Variants in ANKRD11 observed in about 807,000 individuals in gnomAD.
ANKRD11 encodes ankyrin repeat domain-containing protein 11.
A neutral mutation model predicts 195.7 loss-of-function variants in ANKRD11; 17 were observed. That is an observed-to-expected ratio of 0.09 (90% CI 0.06 to 0.13). The LOEUF (loss-of-function observed/expected upper bound fraction) is 0.13. Ranked by LOEUF, ANKRD11 falls within the 10% of genes least tolerant of loss-of-function variation. ANKRD11 has a pLI of 1.00. For synonymous variants in ANKRD11, 1,953 were observed against 1,528.1 expected (o/e 1.28, Z -6.49); for missense variants, 3,735 against 3,566.1 (o/e 1.05, Z -1.21).
At position 89,270,868 on chromosome 16, in the gene ANKRD11, G is replaced by C; in HGVS notation, c.7755C>G (p.Arg2585=). 1 of 1,614,084 alleles carries C rather than the reference G, an allele frequency of 6.2e-7. No individual in the cohort carries two copies. Among genetic ancestry groups the C allele is most frequent in the South Asian group, 1.1e-5 (1 of 91,086 alleles). ...NKSVRDRFNA[R]QFISWLQDVD... Reference sequence around the variant, plus strand: ...CGTCCTGGAGCCAGGAGATGAACTGGCGGGCGTTGAAACGGTCGCGCACTG... The same window carrying C: ...CGTCCTGGAGCCAGGAGATGAACTGCCGGGCGTTGAAACGGTCGCGCACTG... The change falls in exon 12 of 13, where the codon CGC becomes CGG. Residue 2585 remains arginine, a synonymous_variant. Coordinates refer to ENST00000301030, the MANE Select transcript of ANKRD11 (RefSeq NM_013275.6).
chr16:89,333,977 C>A (rs2038199687), intron 2 of ANKRD11, among the ~76,000 whole-genome samples: 1 of 151,940 alleles, frequency 6.6e-6, no homozygotes, highest in South Asian at 2.1e-4. Context: ...TAAGAGCCCT[C>A]AATCTGTGGT....
At chr16:89,355,544 C>G (rs2039432497) in intron 2 of ANKRD11, among the ~76,000 whole-genome samples, 1 of 152,200 alleles carries the variant, frequency 6.6e-6, no homozygotes, top group Non-Finnish European at 1.5e-5. Flanking sequence ...GCTCTGAACG[C>G]TCTCTCTTCC....
intron 1 of ANKRD11, among the ~76,000 whole-genome samples, chr16:89,469,440 G>A (rs1259231894): frequency 6.6e-6 from 1 of 151,854 alleles, no homozygotes; most frequent in Non-Finnish European, 1.5e-5. Flanking sequence ...CCAGGATGGT[G>A]TCAAACTCCT....
At chr16:89,406,488 A>G (rs1254928738) in intron 2 of ANKRD11, among the ~76,000 whole-genome samples, 1 of 152,216 alleles carries the variant, frequency 6.6e-6, no homozygotes, top group African/African-American at 2.4e-5. Context: ...GCACCGTGAC[A>G]AGACAACATG....
At chr16:89,381,654 C>T (rs181447453) in intron 2 of ANKRD11, among the ~76,000 whole-genome samples, 2 of 152,288 alleles carry the variant, frequency 1.3e-5, no homozygotes, top group Admixed American at 6.5e-5. Context: ...GTCACAAATG[C>T]GCATCACAGA....
chr16:89,355,057 C>T (rs1360992650), intron 2 of ANKRD11, among the ~76,000 whole-genome samples: 1 of 152,200 alleles, frequency 6.6e-6, no homozygotes, highest in African/African-American at 2.4e-5. Context: ...AACATGTTTG[C>T]TTTCATCTAA....
intron 2 of ANKRD11, among the ~76,000 whole-genome samples, chr16:89,377,234 C>T (rs1261849779): frequency 1.3e-5 from 2 of 152,090 alleles, no homozygotes; most frequent in African/African-American, 4.8e-5. Context: ...AGGCTCATTA[C>T]ACACAGCATG....
In ANKRD11 at chr16:89,284,913, G is replaced by A. The variant is rs141036955; in HGVS notation, c.1629C>T (p.Thr543=). The A allele has an allele frequency of 1.2e-6, 2 of 1,614,062 alleles. No homozygotes were observed. Among genetic ancestry groups the A allele is most frequent in the Non-Finnish European group, 1.7e-6 (2 of 1,180,046 alleles). ...KQNPSHTDQH[T]KHWRTDNWKT... is the part of the protein sequence containing the mutation. ...TCCAATTGTCTGTCCGCCAGTGCTT[G>A]GTGTGCTGGTCTGTGTGGCTGGGGT... The change falls in exon 9 of 13, where the codon ACC becomes ACT. Residue 543 remains threonine, a synonymous_variant. Transcript: ENST00000301030.
chr16:89,295,002 G>A (rs140834240), intron 4 of ANKRD11, among the ~76,000 whole-genome samples: 51 of 152,350 alleles, frequency 3.3e-4, no homozygotes, highest in African/African-American at 8.7e-4. Flanking sequence ...TGTTTCTACC[G>A]TCCAAATGGA....
At chr16:89,372,263 C>G (rs928728056) in intron 2 of ANKRD11, among the ~76,000 whole-genome samples, 1 of 152,246 alleles carries the variant, frequency 6.6e-6, no homozygotes, top group Non-Finnish European at 1.5e-5. Context: ...CAGCCCGAGC[C>G]TCTCACTGAG....
chr16:89,405,771 A>G (rs1395842305), intron 2 of ANKRD11, among the ~76,000 whole-genome samples: 1 of 152,080 alleles, frequency 6.6e-6, no homozygotes, highest in African/African-American at 2.4e-5. Flanking sequence ...CCTGGGGCTT[A>G]GGGGTCAAAT....
intron 2 of ANKRD11, among the ~76,000 whole-genome samples, chr16:89,381,794 G>C (rs759678300): frequency 1.3e-5 from 2 of 152,174 alleles, no homozygotes; most frequent in Non-Finnish European, 2.9e-5. Context: ...TGTTCCCCGA[G>C]CACATTGACC....
At chr16:89,431,848 C>G (rs975320822) in intron 1 of ANKRD11, among the ~76,000 whole-genome samples, 1 of 152,146 alleles carries the variant, frequency 6.6e-6, no homozygotes, top group African/African-American at 2.4e-5. Flanking sequence ...TGTGCACATA[C>G]AGAGCCCTCA....
intron 2 of ANKRD11, among the ~76,000 whole-genome samples, chr16:89,364,835 G>A (rs915057247): frequency 2.0e-5 from 3 of 152,134 alleles, no homozygotes; most frequent in African/African-American, 7.2e-5. Context: ...TCAGCACCAC[G>A]GCCAACCTGA....
At position 89,447,798 on chromosome 16, in the gene ANKRD11, C is replaced by T. The variant is rs1303205742; in HGVS notation, c.-144-29430G>A. Among the ~76,000 whole-genome samples the T allele has an allele frequency of 4.1e-5, 6 of 148,124 alleles. No homozygotes were observed. The East Asian group carries it at 1.2e-3, about 30-fold the overall frequency. On this transcript the variant is annotated intron_variant, in intron 1 of 12. Coordinates refer to ENST00000301030, the MANE Select transcript of ANKRD11 (RefSeq NM_013275.6). The stretch of plus-strand genomic sequence containing the variant: ...CTAATATTTTCCTAAAATACAATAA[C>T]TTTTTCTTTTTTTTTTTTTTTTTGG...
chr16:89,438,219 A>C (rs767097545), intron 1 of ANKRD11, among the ~76,000 whole-genome samples: 2 of 152,228 alleles, frequency 1.3e-5, no homozygotes, highest in Non-Finnish European at 2.9e-5. Context: ...CACACCATAC[A>C]CAAACATCAA....
At chr16:89,321,128 G>C (rs1221737354) in intron 2 of ANKRD11, 1 of 152,590 alleles carries the variant, frequency 6.6e-6, no homozygotes, top group Non-Finnish European at 1.5e-5. Flanking sequence ...CAGGAGCCCA[G>C]CTGCGATTCC....
At chr16:89,367,528 C>T (rs531735598) in intron 2 of ANKRD11, among the ~76,000 whole-genome samples, 8 of 152,200 alleles carry the variant, frequency 5.3e-5, no homozygotes, top group Non-Finnish European at 8.8e-5. Flanking sequence ...TCTTAGGCCA[C>T]GGCACACACC....
chr16:89,393,314 A>T (rs376052354), intron 2 of ANKRD11, among the ~76,000 whole-genome samples: 3,792 of 139,266 alleles, frequency 0.027, 145 homozygotes, highest in African/African-American at 0.084. Context: ...TTTTATTTTT[A>T]TTTTTTTTTT....
Sources: allele counts gnomAD v4.1 joint callset (sites outside exome capture counted in the v4.1 genomes callset), GRCh38; gene constraint gnomAD v4.1.1; transcripts MANE v1.5; gene names NCBI Gene and HGNC (gene_info 2026-07-23, HGNC 2026-07-21).